Variants in TERB1 observed in about 807,000 individuals in gnomAD.
The protein encoded by TERB1 is telomere repeat binding bouquet formation protein 1.
In TERB1, 63 loss-of-function variants were observed where a neutral mutation model predicts 92.3. The ratio of observed to expected loss-of-function variants is 0.68; its 90% CI spans 0.56 to 0.84. TERB1 has a LOEUF of 0.84. Ranked by LOEUF, TERB1 falls within the 40% of genes least tolerant of loss-of-function variation. The probability of loss-of-function intolerance (pLI) is 0.00; values close to 1 mark genes in which losing one functional copy is unlikely to be tolerated. For missense variants in TERB1, 709 were observed against 843.7 expected, an observed-to-expected ratio of 0.84 and a Z score of 1.98; for synonymous variants, 252 against 283.9, an observed-to-expected ratio of 0.89 and a Z score of 1.13.
In TERB1 at chr16:66,789,583, C is replaced by CA. The variant is rs1168904056; in HGVS notation, c.271+1011dup. On this transcript the variant is annotated intron_variant, in intron 5 of 18. Coordinates refer to ENST00000433154, the MANE Select transcript of TERB1 (RefSeq NM_001136505.2). The stretch of plus-strand genomic sequence containing the variant: ...TGGGCGACAGAGCGAGACTCCGTCT[C>CA]AAAAAAAAAAAAAAAAAAAAAAAAA... Among the ~76,000 whole-genome samples, 4 of 5,662 alleles carry CA rather than the reference C, an allele frequency of 7.1e-4. 1 individual carries two copies. Among genetic ancestry groups the CA allele is most frequent in the Non-Finnish European group, 9.0e-4 (4 of 4,448 alleles). The allele number at this position is 5,662 out of a possible 152,430, so 3.7% of individuals were successfully genotyped here.
At chr16:66,797,234 CTTT>C (rs570658663) in intron 2 of TERB1, among the ~76,000 whole-genome samples, 7 of 137,842 alleles carry the variant, frequency 5.1e-5, no homozygotes, top group Admixed American at 7.3e-5. Context: ...CATTTCCTTC[CTTT>C]TTTTTTTTTT....
At chr16:66,797,896 AC>A (rs1567481293) in intron 2 of TERB1, among the ~76,000 whole-genome samples, 2 of 152,092 alleles carry the variant, frequency 1.3e-5, no homozygotes, top group East Asian at 3.9e-4. Flanking sequence ...CCTCTCACAT[AC>A]CCTACTTTAA....
chr16:66,774,492 T>G (rs2018511235), intron 12 of TERB1, among the ~76,000 whole-genome samples: 1 of 151,846 alleles, frequency 6.6e-6, no homozygotes, highest in Non-Finnish European at 1.5e-5. Flanking sequence ...GCCCCAAACA[T>G]TTTTAAATAA....
At chr16:66,801,220 G>C (rs1386041537) in intron 1 of TERB1, among the ~76,000 whole-genome samples, 167 bp from the exon 2 acceptor site, 2 of 152,220 alleles carry the variant, frequency 1.3e-5, no homozygotes, top group Non-Finnish European at 2.9e-5. Flanking sequence ...AAGTCACCTG[G>C]GGAGGCGCCT....
In TERB1 at chr16:66,767,454, T is replaced by C. The variant is rs775105765; in HGVS notation, c.1741A>G (p.Thr581Ala). 6.5e-7 allele frequency: 1 copy of C among 1,527,572 alleles called. No individual in the cohort carries two copies. The highest frequency in any genetic ancestry group is 1.3e-5 in the South Asian group (1 of 78,928). The allele number at this position is 1,527,572 out of a possible 1,614,324, so 94.6% of individuals were successfully genotyped here. The change falls in exon 16 of 19, where the codon ACT becomes GCT. Residue 581 changes from threonine (T) to alanine (A), a missense_variant. By Grantham distance (58) the Thr-to-Ala change is moderately conservative. Coordinates refer to ENST00000433154, the MANE Select transcript of TERB1 (RefSeq NM_001136505.2). ...GTCAACATTTCGGAACAACTGGGAG[T>C]TGCTAGAAAACTGACTACTTCTTTA... ...INKEVVSFLA[T>A]PSCSEMLTYR...
At chr16:66,763,551 A>G (rs1399044375) in intron 16 of TERB1, among the ~76,000 whole-genome samples, 2 of 152,136 alleles carry the variant, frequency 1.3e-5, no homozygotes, top group Non-Finnish European at 2.9e-5. Context: ...TAAGAGGTAC[A>G]TATTGTCCGT....
Position 66,793,597 on chromosome 16 carries a change from T to C in TERB1, c.32-2578A>G, listed in dbSNP as rs183556659. Among the ~76,000 whole-genome samples, 83 of 152,182 alleles carry C rather than the reference T, an allele frequency of 5.5e-4. 1 individual carries two copies. Among genetic ancestry groups the C allele is most frequent in the Admixed American group, 5.4e-3 (83 of 15,288 alleles). ...CACAATCTTGGCTCACTGCAACCTC[T>C]GCCTCCCGGGCTCAAGCAATTCTCC... On this transcript the variant is annotated intron_variant, in intron 3 of 18. Coordinates refer to ENST00000433154, the MANE Select transcript of TERB1 (RefSeq NM_001136505.2).
At chr16:66,773,685 T>C (rs897652321) in intron 12 of TERB1, among the ~76,000 whole-genome samples, 1 of 152,246 alleles carries the variant, frequency 6.6e-6, no homozygotes, top group Non-Finnish European at 1.5e-5. Flanking sequence ...TCCTTTGTTA[T>C]AGGCTCTTAA....
At chr16:66,772,125 T>C (rs186969976) in intron 13 of TERB1, among the ~76,000 whole-genome samples, 16 of 152,320 alleles carry the variant, frequency 1.1e-4, no homozygotes, top group South Asian at 6.2e-4. Context: ...CATTTAAAAC[T>C]ATTTAAAACT....
At chr16:66,758,183 T>C (rs1455400052) in intron 18 of TERB1, 2 of 152,264 alleles carry the variant, frequency 1.3e-5, no homozygotes, top group African/African-American at 2.4e-5. Flanking sequence ...AATATTGCTA[T>C]AGGAATTAAA....
intron 9 of TERB1, among the ~76,000 whole-genome samples, chr16:66,781,181 A>T (rs1309879931): frequency 1.3e-5 from 2 of 152,114 alleles, no homozygotes; most frequent in Non-Finnish European, 2.9e-5. Flanking sequence ...TTTCCTGAGT[A>T]ACTAGGACTA....
intron 16 of TERB1, among the ~76,000 whole-genome samples, chr16:66,763,213 C>T (rs1369261199): frequency 6.6e-6 from 1 of 151,936 alleles, no homozygotes; most frequent in Non-Finnish European, 1.5e-5. Flanking sequence ...TCAAGCAATC[C>T]TCCCACCTCA....
At chr16:66,771,638 TACACACACACACACAC>T (rs57620654) in intron 13 of TERB1, among the ~76,000 whole-genome samples, 25,570 of 143,030 alleles carry the variant, frequency 0.18, 4,362 homozygotes, top group African/African-American at 0.46. Context: ...TGTTACAGAA[TACACACACACACACAC>T]ACACACACAC....
chr16:66,778,072 T>G (rs995438558), intron 10 of TERB1, among the ~76,000 whole-genome samples: 1 of 152,204 alleles, frequency 6.6e-6, no homozygotes, highest in African/African-American at 2.4e-5. Flanking sequence ...ATAATAGAGT[T>G]TCTTACTCTT....
At position 66,768,180 on chromosome 16, in the gene TERB1, T is replaced by G; in HGVS notation, c.1620-12A>C. 1 of 1,527,486 alleles carries G rather than the reference T, an allele frequency of 6.5e-7. No homozygotes were observed. Among genetic ancestry groups the G allele is most frequent in the South Asian group, 1.2e-5 (1 of 83,448 alleles). The allele number at this position is 1,527,486 out of a possible 1,614,324, so 94.6% of individuals were successfully genotyped here. On this transcript the variant is annotated splice_polypyrimidine_tract_variant and intron_variant, in intron 14 of 18. Transcript: ENST00000433154. ...TAAAAACATGGTCACTAAAAGAAAA[T>G]AGACACCAGATTACTAAAAGTAAAC...
chr16:66,782,230 G>T (rs756898082), intron 9 of TERB1, among the ~76,000 whole-genome samples: 2 of 151,888 alleles, frequency 1.3e-5, no homozygotes, highest in Non-Finnish European at 2.9e-5. Flanking sequence ...TCTATTTCTG[G>T]GCTCTCACTT....
chr16:66,780,255 T>A (rs942644298), intron 9 of TERB1, among the ~76,000 whole-genome samples: 1 of 152,124 alleles, frequency 6.6e-6, no homozygotes, highest in East Asian at 1.9e-4. Flanking sequence ...TTTCATTTTT[T>A]AAAAATCTTC....
At chr16:66,781,665 G>A (rs1274510336) in intron 9 of TERB1, among the ~76,000 whole-genome samples, 13 of 151,732 alleles carry the variant, frequency 8.6e-5, no homozygotes, top group African/African-American at 1.4e-4. Context: ...GACTACAGGC[G>A]CCCACCACCA....
chr16:66,765,802 A>T, intron 16 of TERB1, among the ~76,000 whole-genome samples: 1 of 137,788 alleles, frequency 7.3e-6, no homozygotes, highest in African/African-American at 2.7e-5. Flanking sequence ...TGCTGGGAGG[A>T]GTGGATGAAT....
Sources: gnomAD v4.1 joint callset for allele counts (sites outside exome capture counted in the v4.1 genomes callset) on GRCh38, gnomAD v4.1.1 for gene constraint, MANE v1.5 for transcripts, NCBI Gene and HGNC (gene_info 2026-07-23, HGNC 2026-07-21) for gene names.